The following N4BP2L2 variants were observed in gnomAD, a reference collection of about 807,000 sequenced individuals.
N4BP2L2 encodes NEDD4 binding protein 2 like 2, also known as NEDD4-binding protein 2-like 2.
In N4BP2L2, 50 loss-of-function variants were observed where a neutral mutation model predicts 56.2. The ratio of observed to expected loss-of-function variants is 0.89; its 90% CI spans 0.71 to 1.13. The LOEUF (loss-of-function observed/expected upper bound fraction) is 1.13. N4BP2L2 is among the 50% of genes most tolerant of loss of function. The pLI is 0.00. For missense variants in N4BP2L2, 689 were observed against 693.8 expected (o/e 0.99, Z 0.08); for synonymous variants, 203 against 223.6 (o/e 0.91, Z 0.82).
intron 6 of N4BP2L2, among the ~76,000 whole-genome samples, chr13:32,500,602 TA>T (rs1315275511): frequency 2.0e-5 from 3 of 149,076 alleles, no homozygotes; most frequent in African/African-American, 7.4e-5. Flanking sequence ...CCTGTAGTCC[TA>T]ACCACTCAAG....
exon 6 of N4BP2L2, chr13:32,511,743 A>C (rs1353547134): frequency 6.6e-6 from 1 of 152,174 alleles, no homozygotes; most frequent in Non-Finnish European, 1.5e-5. Flanking sequence ...TAAGAATGTT[A>C]TGAGGTTACA....
At position 32,536,503 on chromosome 13, in the gene N4BP2L2, A is replaced by G. The variant is rs549945504; in HGVS notation, c.525T>C (p.Phe175=). The change falls in exon 2 of 6, where the codon TTT becomes TTC. Residue 175 remains phenylalanine, a synonymous_variant. Transcript: ENST00000267068. ...TTTCAAGCTCTTCAATTTCTTTGTA[A>G]AACTGGAATAATTCATTGTCAATCT... The G allele has an allele frequency of 1.9e-6, 3 of 1,613,162 alleles. No homozygotes were observed. In the East Asian group the frequency reaches 6.7e-5, roughly 36 times the overall value.
exon 7 of N4BP2L2, chr13:32,444,021 TTCC>T: frequency 6.2e-7 from 1 of 1,609,158 alleles, no homozygotes; most frequent in Non-Finnish European, 8.5e-7. Context: ...CTAATGAGTT[TTCC>T]TCCATGATTC....
chr13:32,442,474 G>C (rs745931909), exon 7 of N4BP2L2: 2 of 1,613,490 alleles, frequency 1.2e-6, no homozygotes, highest in Non-Finnish European at 1.7e-6. Flanking sequence ...ACGGTAGTCA[G>C]TGCTTGTTAA....
chr13:32,503,520 CTTACT>C (rs2090401079), intron 6 of N4BP2L2, among the ~76,000 whole-genome samples: 1 of 152,128 alleles, frequency 6.6e-6, no homozygotes, highest in South Asian at 2.1e-4. Context: ...GAGTAGGAGG[CTTACT>C]TTATTTACTT....
chr13:32,475,202 C>T (rs961782692), intron 6 of N4BP2L2, among the ~76,000 whole-genome samples: 1 of 152,216 alleles, frequency 6.6e-6, no homozygotes, highest in African/African-American at 2.4e-5. Flanking sequence ...TTTATCTGCA[C>T]ACTCACTTAA....
chr13:32,510,344 TAATA>T (rs925846869), exon 6 of N4BP2L2: 1 of 151,824 alleles, frequency 6.6e-6, no homozygotes, highest in Admixed American at 6.6e-5. Context: ...CTAATTAAAA[TAATA>T]AAATATTAAA....
At chr13:32,453,378 T>C (rs967197135) in intron 6 of N4BP2L2, among the ~76,000 whole-genome samples, 5 of 151,868 alleles carry the variant, frequency 3.3e-5, no homozygotes, top group African/African-American at 7.3e-5. Flanking sequence ...ATCAACTTTA[T>C]CAGAACTGTG....
chr13:32,538,618 C>T (rs908360289), exon 1 of N4BP2L2: 2 of 985,404 alleles, frequency 2.0e-6, no homozygotes, highest in African/African-American at 1.7e-5. Flanking sequence ...GTCTACTCAC[C>T]TTACTCTACC....
intron 6 of N4BP2L2, among the ~76,000 whole-genome samples, chr13:32,445,967 A>G (rs76035887): frequency 0.057 from 8,715 of 152,274 alleles, 846 homozygotes; most frequent in African/African-American, 0.2. Context: ...AATGTAGTAG[A>G]GGAAGGACAA....
At chr13:32,491,011 A>AC (rs1374075911) in intron 6 of N4BP2L2, among the ~76,000 whole-genome samples, 1 of 151,786 alleles carries the variant, frequency 6.6e-6, no homozygotes, top group Non-Finnish European at 1.5e-5. Context: ...AAAAAAAAAA[A>AC]AAATACTTTT....
intron 6 of N4BP2L2, among the ~76,000 whole-genome samples, chr13:32,487,787 C>T (rs2086211734): frequency 6.6e-6 from 1 of 152,092 alleles, no homozygotes; most frequent in Admixed American, 6.6e-5. Context: ...ATTTTTATTT[C>T]ACTATGTTGT....
chr13:32,437,218 G>A (rs1188328320), intron 8 of N4BP2L2, among the ~76,000 whole-genome samples: 1 of 152,054 alleles, frequency 6.6e-6, no homozygotes, highest in African/African-American at 2.4e-5. Flanking sequence ...ATATTGCTCT[G>A]TGTGTGTGTA....
chr13:32,469,812 G>A (rs1297718089), intron 6 of N4BP2L2, among the ~76,000 whole-genome samples: 1 of 152,230 alleles, frequency 6.6e-6, no homozygotes, highest in African/African-American at 2.4e-5. Flanking sequence ...ATTGGGAGAA[G>A]GATGTTACTG....
chr13:32,453,997 G>A (rs1350144352), intron 6 of N4BP2L2, among the ~76,000 whole-genome samples: 1 of 152,140 alleles, frequency 6.6e-6, no homozygotes, highest in African/African-American at 2.4e-5. Context: ...AAAAGCTTAA[G>A]AAGAAAAGAT....
intron 6 of N4BP2L2, among the ~76,000 whole-genome samples, chr13:32,468,162 T>C (rs762950729): frequency 6.6e-6 from 1 of 151,744 alleles, no homozygotes; most frequent in Non-Finnish European, 1.5e-5. Flanking sequence ...AGAAGTGGGA[T>C]TGAAGTCACA....
intron 6 of N4BP2L2, among the ~76,000 whole-genome samples, chr13:32,474,963 C>A (rs1179630884): frequency 6.6e-6 from 1 of 152,102 alleles, no homozygotes; most frequent in East Asian, 1.9e-4. Flanking sequence ...TAATATTATA[C>A]ATAACTATAT....
At chr13:32,475,112 G>A (rs1487024742) in intron 6 of N4BP2L2, among the ~76,000 whole-genome samples, 3 of 152,300 alleles carry the variant, frequency 2.0e-5, no homozygotes, top group Non-Finnish European at 2.9e-5. Context: ...ATTCAAAAGT[G>A]CTGAGAATCA....
At chr13:32,435,052 G>T (rs2075314345) in intron 9 of N4BP2L2, among the ~76,000 whole-genome samples, 1 of 152,098 alleles carries the variant, frequency 6.6e-6, no homozygotes, top group Admixed American at 6.6e-5. Context: ...GGGCCATCTA[G>T]GGGAACTTCA....
Sources: allele counts gnomAD v4.1 joint callset (sites outside exome capture counted in the v4.1 genomes callset), GRCh38; gene constraint gnomAD v4.1.1; transcripts MANE v1.5; gene names NCBI Gene and HGNC (gene_info 2026-07-23, HGNC 2026-07-21).